ZNF717: variants seen among roughly 807,000 people sequenced by gnomAD.
ZNF717 encodes krueppel-like factor X17.
Under a neutral mutation model 13.8 loss-of-function variants are expected in ZNF717, and 9 were observed. The observed-to-expected ratio is 0.65, with a 90% confidence interval of 0.39 to 1.14. The LOEUF (loss-of-function observed/expected upper bound fraction) is 1.14, where lower values mean the gene tolerates loss of function less well. Among genes scored for constraint, ZNF717 ranks in the 50% most tolerant of loss-of-function variants. The pLI, the probability that ZNF717 is intolerant of heterozygous loss-of-function variation, is 0.01. For missense variants in ZNF717, 1,040 were observed against 1,080.7 expected (o/e 0.96, Z 0.53); for synonymous variants, 327 against 364.1 (o/e 0.90, Z 1.16).
At chr3:75,780,696 A>C (rs1028596625) in intron 2 of ZNF717, among the ~76,000 whole-genome samples, 1 of 152,252 alleles carries the variant, frequency 6.6e-6, no homozygotes, top group African/African-American at 2.4e-5. Context: ...CACCACGCCC[A>C]GCCAAAAGGA....
intron 2 of ZNF717, among the ~76,000 whole-genome samples, chr3:75,743,558 T>C (rs956287475): frequency 3.3e-3 from 506 of 152,284 alleles, no homozygotes; most frequent in Non-Finnish European, 5.3e-3. Flanking sequence ...CATGACAATA[T>C]TGGCATTTTA....
At chr3:75,750,065 ATGTT>A (rs1210963906) in intron 2 of ZNF717, among the ~76,000 whole-genome samples, 1 of 151,284 alleles carries the variant, frequency 6.6e-6, no homozygotes, top group African/African-American at 2.4e-5. Flanking sequence ...GAGGGTCTGA[ATGTT>A]TGTCCCTCAC....
chr3:75,704,838 C>A (rs1344981583), downstream of ZNF717, among the ~76,000 whole-genome samples: 1 of 152,284 alleles, frequency 6.6e-6, no homozygotes, highest in African/African-American at 2.4e-5. Flanking sequence ...GTTTAATTTG[C>A]CACTGGTCCA....
chr3:75,745,162 T>C (rs80228217), intron 2 of ZNF717, among the ~76,000 whole-genome samples: 1 of 139,754 alleles, frequency 7.2e-6, no homozygotes, highest in Non-Finnish European at 1.6e-5. Context: ...TGTTGTTTTT[T>C]TTTTTCTTTC....
intron 6 of ZNF717, among the ~76,000 whole-genome samples, chr3:75,701,485 A>G (rs1241304952): frequency 6.6e-6 from 1 of 152,308 alleles, no homozygotes; most frequent in African/African-American, 2.4e-5. Flanking sequence ...CCTGGCCAAG[A>G]TGGTGAAACC....
chr3:75,707,776 T>TA (rs1232752133), downstream of ZNF717, among the ~76,000 whole-genome samples: 1 of 146,684 alleles, frequency 6.8e-6, no homozygotes, highest in Non-Finnish European at 1.5e-5. Context: ...CCAATGGGCT[T>TA]AAAAAATGGC....
At chr3:75,708,155 A>G (rs1224349159), downstream of ZNF717, among the ~76,000 whole-genome samples, 1 of 152,244 alleles carries the variant, frequency 6.6e-6, no homozygotes, top group Non-Finnish European at 1.5e-5. Context: ...CTGCCTCCTC[A>G]AGTGGGTCCC....
downstream of ZNF717, among the ~76,000 whole-genome samples, chr3:75,707,710 G>T (rs1238785258): frequency 6.6e-6 from 1 of 152,074 alleles, no homozygotes; most frequent in Admixed American, 6.5e-5. Context: ...TCAAAGAAAG[G>T]GGTGACAGAT....
chr3:75,754,945 G>A (rs1575864346), intron 2 of ZNF717, among the ~76,000 whole-genome samples: 1 of 152,034 alleles, frequency 6.6e-6, no homozygotes, highest in African/African-American at 2.4e-5. Flanking sequence ...AGAAACCAGA[G>A]GTGGGGCAGA....
At chr3:75,769,330 G>A (rs549171416) in intron 2 of ZNF717, among the ~76,000 whole-genome samples, 1 of 152,188 alleles carries the variant, frequency 6.6e-6, no homozygotes, top group Non-Finnish European at 1.5e-5. Flanking sequence ...AGAGGGCTGG[G>A]TGCCTACTCC....
chr3:75,766,369 G>A (rs111647422), intron 2 of ZNF717, among the ~76,000 whole-genome samples: 1 of 151,918 alleles, frequency 6.6e-6, no homozygotes, highest in Non-Finnish European at 1.5e-5. Flanking sequence ...ATCATAAAAA[G>A]CTTCAATGGA....
intron 2 of ZNF717, among the ~76,000 whole-genome samples, chr3:75,758,196 C>T (rs1276789856): frequency 2.0e-5 from 3 of 149,154 alleles, no homozygotes; most frequent in Admixed American, 6.7e-5. Flanking sequence ...GAGGGGTTCA[C>T]GACTTCTGTG....
At position 75,724,477 on chromosome 3, in the gene ZNF717, CA is replaced by C. The variant is rs1338890466; in HGVS notation, n.545-7937del. Among the ~76,000 whole-genome samples the C allele has an allele frequency of 2.1e-4, 32 of 151,146 alleles. 2 individuals carry two copies. Among genetic ancestry groups the C allele is most frequent in the Admixed American group, 1.8e-3 (28 of 15,262 alleles). On this transcript the variant is annotated intron_variant and non_coding_transcript_variant, in intron 4 of 5. Coordinates refer to the ZNF717 transcript ENST00000491507. Reference sequence around the variant, plus strand: ...CAACTGGTCGCAAACTCTTGAGCTCCAAAAGTGCTGGGATTACAGGTGTGAG... The same window carrying C: ...CAACTGGTCGCAAACTCTTGAGCTCCAAAGTGCTGGGATTACAGGTGTGAG...
At chr3:75,766,978 ACTT>A (rs1943519171) in intron 2 of ZNF717, among the ~76,000 whole-genome samples, 1 of 152,262 alleles carries the variant, frequency 6.6e-6, no homozygotes, top group Admixed American at 6.5e-5. Flanking sequence ...AAAGGTGACA[ACTT>A]CTTTCCTGCT....
chr3:75,751,875 G>A (rs1941858177), intron 2 of ZNF717, among the ~76,000 whole-genome samples: 2 of 150,108 alleles, frequency 1.3e-5, no homozygotes, highest in African/African-American at 4.9e-5. Flanking sequence ...ACACTACTAC[G>A]ATGGTATGAA....
At chr3:75,742,280 C>T (rs1399503549) in intron 2 of ZNF717, among the ~76,000 whole-genome samples, 1 of 147,718 alleles carries the variant, frequency 6.8e-6, no homozygotes, top group Non-Finnish European at 1.5e-5. Context: ...GTTATGATCA[C>T]ACCACTGCAC....
chr3:75,783,794 TCTTG>T (rs1421179567), intron 1 of ZNF717, among the ~76,000 whole-genome samples: 3 of 152,226 alleles, frequency 2.0e-5, no homozygotes, highest in Non-Finnish European at 4.4e-5. Context: ...TGACAGTACA[TCTTG>T]CTTTTCTATA....
chr3:75,751,367 C>T (rs1941777961), intron 2 of ZNF717, among the ~76,000 whole-genome samples: 1 of 151,528 alleles, frequency 6.6e-6, no homozygotes, highest in African/African-American at 2.4e-5. Flanking sequence ...AATGCTTGTC[C>T]CTCACATAGG....
At chr3:75,732,269 C>T (rs1938628796), downstream of ZNF717, 1 of 623,362 alleles carries the variant, frequency 1.6e-6, no homozygotes, top group Non-Finnish European at 2.8e-6. Context: ...AGGGAAATTC[C>T]CAACTCCAGC....
Sources: allele counts gnomAD v4.1 joint callset (sites outside exome capture counted in the v4.1 genomes callset), GRCh38; gene constraint gnomAD v4.1.1; transcripts MANE v1.5; gene names NCBI Gene and HGNC (gene_info 2026-07-23, HGNC 2026-07-21).